Variants in MLLT1 observed in about 807,000 individuals in gnomAD.
MLLT1 encodes the protein MLLT1 super elongation complex subunit, also known as protein ENL.
Under a neutral mutation model 55.1 loss-of-function variants are expected in MLLT1, and 11 were observed. That is an observed-to-expected ratio of 0.20 (90% confidence interval 0.13 to 0.33). MLLT1 has a LOEUF of 0.33. Ranked by LOEUF, MLLT1 falls within the 10% of genes least tolerant of loss-of-function variation. MLLT1 has a pLI of 1.00. For synonymous variants in MLLT1, 323 were observed against 320.1 expected (o/e 1.01, Z -0.10); for missense variants, 536 against 760.6 (o/e 0.70, Z 3.47).
At chr19:6,252,066 ACTCGCC>A (rs1280186061) in intron 3 of MLLT1, among the ~76,000 whole-genome samples, 2 of 152,022 alleles carry the variant, frequency 1.3e-5, no homozygotes, top group African/African-American at 4.8e-5. Flanking sequence ...AGGAGGGAAG[ACTCGCC>A]CTCAGTGTGG....
intron 3 of MLLT1, chr19:6,259,825 A>G (rs1181973498): frequency 5.3e-5 from 8 of 151,950 alleles, no homozygotes; most frequent in Non-Finnish European, 7.4e-5. Flanking sequence ...AAAAAACAGA[A>G]AAACTGGCCA....
intron 5 of MLLT1, among the ~76,000 whole-genome samples, chr19:6,223,385 C>T (rs1245846984): frequency 6.6e-6 from 1 of 152,238 alleles, no homozygotes; most frequent in Admixed American, 6.5e-5. Context: ...TCCTAGGTCT[C>T]TGCCTCGGAA....
chr19:6,213,499 C>T, intron 10 of MLLT1, 91 bp from the exon 11 acceptor site: 2 of 1,204,054 alleles, frequency 1.7e-6, no homozygotes, highest in Admixed American at 3.4e-5. Flanking sequence ...CAGTCCATCC[C>T]AGCACAGGAC....
At chr19:6,213,504 C>T in intron 10 of MLLT1, 96 bp from the exon 11 acceptor site, 1 of 1,199,364 alleles carries the variant, frequency 8.3e-7, no homozygotes. Context: ...CATCCCAGCA[C>T]AGGACAGAGG....
At chr19:6,249,221 C>T (rs2091194639) in intron 3 of MLLT1, among the ~76,000 whole-genome samples, 1 of 152,136 alleles carries the variant, frequency 6.6e-6, no homozygotes, top group Non-Finnish European at 1.5e-5. Flanking sequence ...GTTTTAGATA[C>T]ACTGAGTTAA....
intron 1 of MLLT1, among the ~76,000 whole-genome samples, chr19:6,277,469 G>A (rs901736713): frequency 2.6e-5 from 4 of 152,200 alleles, no homozygotes; most frequent in Admixed American, 6.5e-5. Flanking sequence ...TGGTGCGATG[G>A]AGGAACTGAA....
At position 6,212,383 on chromosome 19, in the gene MLLT1, C is replaced by T; in HGVS notation, c.*659G>A. On this transcript the variant is annotated 3_prime_UTR_variant, in exon 12 of 12. Coordinates refer to ENST00000252674, the MANE Select transcript of MLLT1 (RefSeq NM_005934.4). ...CAGCCCCACACCACCGCAGAGACAT[C>T]TTAACCTACAAGCCCCACCGTACGC... 9.4e-7 allele frequency: 1 copy of T among 1,066,366 alleles called. No homozygotes were observed. Among genetic ancestry groups the T allele is most frequent in the Non-Finnish European group, 1.1e-6 (1 of 879,836 alleles). 66.1% of individuals were successfully genotyped at this position (1,066,366 alleles called of 1,614,324 possible). A position where few individuals can be genotyped will look rare whatever the true frequency, so the allele number is the denominator to read the frequency against.
intron 2 of MLLT1, among the ~76,000 whole-genome samples, chr19:6,269,687 C>T (rs986090410): frequency 2.6e-5 from 4 of 152,158 alleles, no homozygotes; most frequent in East Asian, 3.9e-4. Flanking sequence ...CGCTTGTGCA[C>T]GGCTCACCTC....
chr19:6,220,823 G>C (rs1383099782), intron 6 of MLLT1, among the ~76,000 whole-genome samples: 1 of 152,214 alleles, frequency 6.6e-6, no homozygotes, highest in East Asian at 1.9e-4. Flanking sequence ...TCGGTGCCCA[G>C]CAGGCACCGC....
intron 3 of MLLT1, among the ~76,000 whole-genome samples, chr19:6,238,230 T>A (rs1036579804): frequency 2.0e-5 from 3 of 152,250 alleles, no homozygotes; most frequent in African/African-American, 7.2e-5. Context: ...CTGCAGGCTC[T>A]AGAGAGCTGA....
intron 5 of MLLT1, among the ~76,000 whole-genome samples, chr19:6,225,455 T>C (rs923859320): frequency 6.6e-6 from 1 of 152,210 alleles, no homozygotes. Flanking sequence ...GGCCGGTTCA[T>C]GGGCCTGTGC....
Position 6,230,706 on chromosome 19 carries a change from G to T in MLLT1, c.284C>A (p.Pro95Gln). ...IEVHFKNKEE[P>Q]RKVCFTYDLF... ...GTCGTAGGTGAAGCAGACCTTCCTC[G>T]GCTCCTCCTGAAACAGAGAAAACAA... The change falls in exon 4 of 12, where the codon CCG becomes CAG. Residue 95 changes from proline to glutamine, a missense_variant. Physicochemically the swap from Pro to Gln is moderately conservative, Grantham distance 76. Around this residue, in one of 3 missense-constraint regions of MLLT1, gnomAD observed 62 missense variants for 195.8 expected, o/e 0.32. Transcript: ENST00000252674. The surrounding 1 kb of genome is among the most constrained non-coding windows in gnomAD (Gnocchi z 9.0). 1 of 1,613,964 alleles carries T rather than the reference G, an allele frequency of 6.2e-7. No homozygotes were observed. The highest frequency in any genetic ancestry group is 8.5e-7 in the Non-Finnish European group (1 of 1,180,004).
chr19:6,257,800 C>T (rs919742532), intron 3 of MLLT1, among the ~76,000 whole-genome samples: 1 of 151,658 alleles, frequency 6.6e-6, no homozygotes, highest in African/African-American at 2.4e-5. Flanking sequence ...GACTCCATCT[C>T]GGAAAAAAAC....
intron 3 of MLLT1, among the ~76,000 whole-genome samples, chr19:6,233,058 G>T (rs1287110081): frequency 3.3e-5 from 5 of 152,156 alleles, no homozygotes; most frequent in Admixed American, 6.5e-5. Flanking sequence ...CCTTTCCCCA[G>T]CAGCCTAAGC....
chr19:6,255,665 C>G (rs540471484), intron 3 of MLLT1, among the ~76,000 whole-genome samples: 1 of 152,256 alleles, frequency 6.6e-6, no homozygotes, highest in Admixed American at 6.5e-5. Flanking sequence ...TCAAAAATGA[C>G]TAGATACAAT....
In MLLT1 at chr19:6,211,510, G is replaced by C. The variant is rs1396635315; in HGVS notation, c.*1532C>G. 2.9e-6 allele frequency: 2 copies of C among 699,664 alleles called. No homozygotes were observed. Among genetic ancestry groups the C allele is most frequent in the African/African-American group, 3.7e-5 (2 of 53,916 alleles). The allele number at this position is 699,664 out of a possible 1,614,324, so 43.3% of individuals were successfully genotyped here. A position where few individuals can be genotyped will look rare whatever the true frequency, so the allele number is the denominator to read the frequency against. ...CAGGGACAAGATGAGGGACCTCAGG[G>C]AGGGACAGATGGAGCCCCCCAAGTC... On this transcript the variant is annotated 3_prime_UTR_variant, in exon 12 of 12. Coordinates refer to ENST00000252674, the MANE Select transcript of MLLT1 (RefSeq NM_005934.4). This position sits in a 1 kb window ranked among gnomAD's most constrained non-coding sequence, Gnocchi z 4.6.
chr19:6,252,827 CATAA>C (rs1397511038), intron 3 of MLLT1, among the ~76,000 whole-genome samples: 1 of 151,944 alleles, frequency 6.6e-6, no homozygotes, highest in Non-Finnish European at 1.5e-5. Flanking sequence ...AAAAAAAGAA[CATAA>C]ATAACCCACA....
At position 6,212,805 on chromosome 19, in the gene MLLT1, C is replaced by CCCAGAGAG. The variant is rs959732163; in HGVS notation, c.*229_*236dup. The CCCAGAGAG allele has an allele frequency of 5.1e-5, 46 of 910,204 alleles. No individual in the cohort carries two copies. The African/African-American group carries it at 7.8e-4, about 15-fold the overall frequency. 56.4% of individuals were successfully genotyped at this position (910,204 alleles called of 1,614,324 possible). A position where few individuals can be genotyped will look rare whatever the true frequency, so the allele number is the denominator to read the frequency against. On this transcript the variant is annotated 3_prime_UTR_variant, in exon 12 of 12. Coordinates refer to ENST00000252674, the MANE Select transcript of MLLT1 (RefSeq NM_005934.4). The stretch of plus-strand genomic sequence containing the variant: ...AACACCAGCCGCTCTCTGAGGGGAG[C>CCCAGAGAG]CCAGAGAGCCCGGGGGGCGGCTCCC...
intron 3 of MLLT1, among the ~76,000 whole-genome samples, chr19:6,254,981 GA>G (rs5826924): frequency 0.37 from 50,519 of 135,798 alleles, 10,851 homozygotes; most frequent in African/African-American, 0.62. Context: ...ATCAACAAAA[GA>G]AAAAAAAAAA....
Sources: gnomAD v4.1 joint callset for allele counts (sites outside exome capture counted in the v4.1 genomes callset) on GRCh38, gnomAD v4.1.1 for gene constraint, gnomAD v4.1.1 regional missense constraint, Gnocchi (gnomAD v3.1) non-coding constraint, MANE v1.5 for transcripts, NCBI Gene and HGNC (gene_info 2026-07-23, HGNC 2026-07-21) for gene names.